SELENOF: variants seen among roughly 807,000 people sequenced by gnomAD.
The protein encoded by SELENOF is 15 kDa selenoprotein.
Under a neutral mutation model 20.5 loss-of-function variants are expected in SELENOF, and 16 were observed. The observed-to-expected ratio is 0.78, with a 90% CI of 0.53 to 1.19. SELENOF has a LOEUF of 1.19. Ranked by LOEUF, SELENOF falls within the 50% of genes most tolerant of loss-of-function variation. SELENOF has a pLI of 0.00. For missense variants in SELENOF, 215 were observed against 194.2 expected (o/e 1.11, Z -0.64); for synonymous variants, 78 against 74.5 (o/e 1.05, Z -0.24).
intron 3 of SELENOF, among the ~76,000 whole-genome samples, chr1:86,875,018 G>A (rs934831942): frequency 1.3e-5 from 2 of 152,184 alleles, no homozygotes; most frequent in South Asian, 2.1e-4. Context: ...CAGATCACCC[G>A]AGGTCAGGAG....
chr1:86,909,776 C>T (rs1417553635), intron 1 of SELENOF, among the ~76,000 whole-genome samples: 1 of 152,028 alleles, frequency 6.6e-6, no homozygotes, highest in African/African-American at 2.4e-5. Flanking sequence ...GAGGCTGAGG[C>T]GGGTGGATCA....
intron 3 of SELENOF, among the ~76,000 whole-genome samples, chr1:86,871,653 T>A (rs543237315): frequency 8.2e-4 from 125 of 152,324 alleles, no homozygotes; most frequent in African/African-American, 2.9e-3. Flanking sequence ...CTCTATTTTA[T>A]TACTAAACCT....
At chr1:86,873,534 C>G (rs1281974236) in intron 3 of SELENOF, among the ~76,000 whole-genome samples, 1 of 151,924 alleles carries the variant, frequency 6.6e-6, no homozygotes, top group East Asian at 1.9e-4. Context: ...GTCTAAGGAA[C>G]TGAATGTTTA....
chr1:86,866,674 A>T (rs1658606271), intron 4 of SELENOF, among the ~76,000 whole-genome samples: 1 of 152,234 alleles, frequency 6.6e-6, no homozygotes, highest in African/African-American at 2.4e-5. Flanking sequence ...CTCACCAAAG[A>T]CACACAGATG....
chr1:86,891,197 G>C (rs1472190879), intron 2 of SELENOF, among the ~76,000 whole-genome samples: 1 of 151,914 alleles, frequency 6.6e-6, no homozygotes, highest in African/African-American at 2.4e-5. Context: ...TTACAGGCAT[G>C]TGCCACCACG....
chr1:86,907,043 A>C (rs751984243), intron 1 of SELENOF, among the ~76,000 whole-genome samples: 1 of 152,238 alleles, frequency 6.6e-6, no homozygotes, highest in African/African-American at 2.4e-5. Flanking sequence ...GCATTTATGG[A>C]GCACCTACTG....
intron 2 of SELENOF, among the ~76,000 whole-genome samples, chr1:86,897,537 G>A (rs558795154): frequency 6.6e-6 from 1 of 152,064 alleles, no homozygotes; most frequent in Non-Finnish European, 1.5e-5. Context: ...AGTAATTGAG[G>A]AATAAAGATA....
intron 4 of SELENOF, among the ~76,000 whole-genome samples, chr1:86,867,642 T>C (rs490867): frequency 0.04 from 6,130 of 152,226 alleles, 150 homozygotes; most frequent in African/African-American, 0.064. Context: ...ATGGTAGATA[T>C]GTAATATTAT....
At chr1:86,908,192 T>C (rs189032667) in intron 1 of SELENOF, among the ~76,000 whole-genome samples, 6 of 152,330 alleles carry the variant, frequency 3.9e-5, no homozygotes, top group Admixed American at 6.5e-5. Flanking sequence ...ATTCGTTGTC[T>C]CTTCACTGGT....
At chr1:86,909,667 T>C (rs1387227267) in intron 1 of SELENOF, among the ~76,000 whole-genome samples, 1 of 152,150 alleles carries the variant, frequency 6.6e-6, no homozygotes, top group Non-Finnish European at 1.5e-5. Flanking sequence ...CACAGAGCTA[T>C]GATTTGGTTA....
chr1:86,899,882 G>C (rs1245472374), intron 2 of SELENOF, among the ~76,000 whole-genome samples: 1 of 150,656 alleles, frequency 6.6e-6, no homozygotes, highest in African/African-American at 2.4e-5. Flanking sequence ...GGGGCGGCTG[G>C]GCAGAGACGC....
At chr1:86,895,714 G>A (rs1257059645) in intron 2 of SELENOF, among the ~76,000 whole-genome samples, 1 of 152,144 alleles carries the variant, frequency 6.6e-6, no homozygotes, top group Non-Finnish European at 1.5e-5. Flanking sequence ...ATTTCACACA[G>A]ATAAGCAATT....
At chr1:86,888,525 T>C (rs1453060523) in intron 2 of SELENOF, among the ~76,000 whole-genome samples, 1 of 152,196 alleles carries the variant, frequency 6.6e-6, no homozygotes, top group Non-Finnish European at 1.5e-5. Context: ...CTTCCTGCCT[T>C]GTTCTCCCGA....
rs144561168 is a variant in SELENOF at position 86,874,766 on chromosome 1, C to T, written c.316+5896G>A. ...AATGAAAAAAGAGACAAAATATACT[C>T]GGACAAAATATAATCCTGTTGATTA... On this transcript the variant is annotated intron_variant, in intron 3 of 4. Transcript: ENST00000331835. Among the ~76,000 whole-genome samples, 1,044 of 152,120 alleles carry T rather than the reference C, an allele frequency of 6.9e-3. 10 individuals carry two copies. The highest frequency in any genetic ancestry group is 0.024 in the African/African-American group (997 of 41,488).
intron 1 of SELENOF, among the ~76,000 whole-genome samples, chr1:86,909,647 C>A (rs1659925480): frequency 6.6e-6 from 1 of 151,568 alleles, no homozygotes; most frequent in East Asian, 1.9e-4. Context: ...GGGATACTAA[C>A]ACACACACAC....
In SELENOF at chr1:86,912,719, C is replaced by A. The variant is rs536801488; in HGVS notation, c.84+1309G>T. On this transcript the variant is annotated intron_variant, in intron 1 of 4. Transcript: ENST00000331835. ...AGCACCAACTATAAACAGTGGTAATCCTGGAACCTTTCGGTTTAGCTGACC... is the reference window on the plus strand; with the variant it reads ...AGCACCAACTATAAACAGTGGTAATACTGGAACCTTTCGGTTTAGCTGACC... Among the ~76,000 whole-genome samples the A allele has an allele frequency of 2.0e-5, 3 of 152,210 alleles. No individual in the cohort carries two copies. In the East Asian group the frequency reaches 5.8e-4, roughly 29 times the overall value.
At chr1:86,896,638 C>G (rs917962138) in intron 2 of SELENOF, among the ~76,000 whole-genome samples, 10 of 152,146 alleles carry the variant, frequency 6.6e-5, no homozygotes, top group Admixed American at 5.2e-4. Flanking sequence ...AAAAGTTGTG[C>G]TAAATAATTA....
chr1:86,889,316 C>G (rs1406032421), intron 2 of SELENOF, among the ~76,000 whole-genome samples: 1 of 152,088 alleles, frequency 6.6e-6, no homozygotes, highest in Non-Finnish European at 1.5e-5. Context: ...AAACTGTTGG[C>G]TGGGCGCGGT....
At chr1:86,879,291 T>C (rs1033565316) in intron 3 of SELENOF, among the ~76,000 whole-genome samples, 1 of 152,206 alleles carries the variant, frequency 6.6e-6, no homozygotes, top group African/African-American at 2.4e-5. Flanking sequence ...TGAGTTTAAG[T>C]GTTTGAGGCA....
Sources: allele counts gnomAD v4.1 joint callset (sites outside exome capture counted in the v4.1 genomes callset), GRCh38; gene constraint gnomAD v4.1.1; transcripts MANE v1.5; gene names NCBI Gene and HGNC (gene_info 2026-07-23, HGNC 2026-07-21).